HCLS1: variants seen among roughly 807,000 people sequenced by gnomAD.
HCLS1 encodes hematopoietic cell-specific Lyn substrate 1.
Under a neutral mutation model 68.6 loss-of-function variants are expected in HCLS1, and 44 were observed. That is an observed-to-expected ratio of 0.64 (90% CI 0.50 to 0.82). The LOEUF is 0.82. HCLS1 is among the 40% of genes least tolerant of loss of function. The pLI is 0.00. For synonymous variants in HCLS1, 217 were observed against 225.8 expected (o/e 0.96, Z 0.35); for missense variants, 602 against 612.1 (o/e 0.98, Z 0.17).
rs767167038 is a variant in HCLS1, at chr3:121,657,291, G to C, written c.146C>G (p.Thr49Arg). Reference protein sequence around the residue: ...GAKTIEGSGRTEHINIHQLRN... With the variant: ...GAKTIEGSGRREHINIHQLRN... ...TTTCGGCACCTACTTGATGTGTTCT[G>C]TGCGTCCAGACCCCTCGATGGTCTT... is the stretch of plus-strand genomic sequence containing the variant. The change falls in exon 3 of 14, where the codon ACA becomes AGA. Residue 49 changes from threonine to arginine, a missense_variant. Thr to Arg is a moderately conservative substitution (Grantham distance 71). Transcript: ENST00000314583. 4 of 1,613,650 alleles carry C rather than the reference G, an allele frequency of 2.5e-6. No individual in the cohort carries two copies. The highest frequency in any genetic ancestry group is 2.5e-6 in the Non-Finnish European group (3 of 1,179,778).
intron 3 of HCLS1, among the ~76,000 whole-genome samples, chr3:121,651,136 TAATC>T (rs372219717): frequency 5.9e-5 from 9 of 152,120 alleles, no homozygotes; most frequent in African/African-American, 1.4e-4. Flanking sequence ...AATCAATAAA[TAATC>T]AATCAATCAA....
Position 121,637,151 on chromosome 3 carries a change from T to G in HCLS1, c.560A>C (p.Gln187Pro). Residue 187 changes from glutamine to proline, a missense_variant, in exon 7 of 14, where the codon CAG becomes CCG. By Grantham distance (76) the Gln-to-Pro change is moderately conservative. Coordinates refer to ENST00000314583, the MANE Select transcript of HCLS1 (RefSeq NM_005335.6). ...CCCTTCCAACCCCAACTCACCTCTC[T>G]GGGACTCGTGTTTCTCCGTCTCTCC... Reference protein sequence around the residue: ...YKGETEKHESQRDYAKGFGGQ... With the variant: ...YKGETEKHESPRDYAKGFGGQ... 1 of 1,608,876 alleles carries G rather than the reference T, an allele frequency of 6.2e-7. No individual in the cohort carries two copies. Among genetic ancestry groups the G allele is most frequent in the Non-Finnish European group, 8.5e-7 (1 of 1,175,282 alleles).
At chr3:121,650,994 G>A (rs937159223) in intron 3 of HCLS1, among the ~76,000 whole-genome samples, 1 of 152,058 alleles carries the variant, frequency 6.6e-6, no homozygotes, top group African/African-American at 2.4e-5. Context: ...AAATTAGCTG[G>A]GCTTGGTGGT....
At chr3:121,646,580 AAT>A (rs1165187827) in intron 4 of HCLS1, among the ~76,000 whole-genome samples, 29 of 110,192 alleles carry the variant, frequency 2.6e-4, no homozygotes, top group South Asian at 1.0e-3. Context: ...TACATATATT[AAT>A]ATATATAATA....
At position 121,634,270 on chromosome 3, in the gene HCLS1, C is replaced by A. The variant is rs1332757478; in HGVS notation, c.840G>T (p.Gln280His). The change falls in exon 10 of 14, where the codon CAG becomes CAT. Residue 280 changes from glutamine (Q) to histidine (H), a missense_variant. Transcript: ENST00000314583. ...AVTKRSPEAP[Q>H]PVIAMEEPAV... ...CTGGCTCTTCCATAGCTATCACTGGCTGTGGAGCCTCAGGGCTCCTCTTTG... is the reference window on the plus strand; with the variant it reads ...CTGGCTCTTCCATAGCTATCACTGGATGTGGAGCCTCAGGGCTCCTCTTTG... 6.8e-6 allele frequency: 11 copies of A among 1,614,074 alleles called. No individual in the cohort carries two copies. Among genetic ancestry groups the A allele is most frequent in the African/African-American group, 5.3e-5 (4 of 74,924 alleles).
chr3:121,635,237 T>TTCTCTCTCTCTCTCTCTC lies in HCLS1; in HGVS notation c.691+480_691+497dup, dbSNP rs201290743. 1.9e-3 allele frequency among the ~76,000 whole-genome samples: 222 copies of TTCTCTCTCTCTCTCTCTC among 114,430 alleles called. 1 individual carries two copies. The highest frequency in any genetic ancestry group is 4.1e-3 in the South Asian group (11 of 2,664). 75.1% of individuals were successfully genotyped at this position (114,430 alleles called of 152,430 possible). A position where few individuals can be genotyped will look rare whatever the true frequency, so the allele number is the denominator to read the frequency against. ...TCTCTCTCTCTCTCTTCTCTCCCTT[T>TTCTCTCTCTCTCTCTCTC]TCTCTCTCTCTCTCTCTCTCTCTCT... On this transcript the variant is annotated intron_variant, in intron 9 of 13. Coordinates refer to ENST00000314583, the MANE Select transcript of HCLS1 (RefSeq NM_005335.6).
intron 4 of HCLS1, among the ~76,000 whole-genome samples, chr3:121,646,403 A>ATTACATAGTAATAT (rs1333433086): frequency 9.4e-4 from 80 of 85,424 alleles, no homozygotes; most frequent in African/African-American, 3.6e-3. Flanking sequence ...TATGTAATAT[A>ATTACATAGTAATAT]TTACATAGTA....
At position 121,631,800 on chromosome 3, in the gene HCLS1, A is replaced by C. The variant is rs778072301; in HGVS notation, c.*46T>G. On this transcript the variant is annotated 3_prime_UTR_variant, in exon 14 of 14. Coordinates refer to ENST00000314583, the MANE Select transcript of HCLS1 (RefSeq NM_005335.6). ...ATAGGGAGGGGGTGGAGGCAGAGCC[A>C]CTTTGGACATGGGAAATCACAGTTG... The C allele has an allele frequency of 6.2e-7, 1 of 1,608,926 alleles. No individual in the cohort carries two copies. Among genetic ancestry groups the C allele is most frequent in the South Asian group, 1.1e-5 (1 of 90,764 alleles).
At chr3:121,646,289 G>T (rs2049247184) in intron 4 of HCLS1, among the ~76,000 whole-genome samples, 12 of 98,940 alleles carry the variant, frequency 1.2e-4, no homozygotes, top group African/African-American at 1.7e-4. Flanking sequence ...TATATTTTAT[G>T]TATTATATTT....
chr3:121,642,463 C>T (rs879944530), intron 6 of HCLS1, among the ~76,000 whole-genome samples: 4 of 146,100 alleles, frequency 2.7e-5, no homozygotes, highest in African/African-American at 1.0e-4. Context: ...AGCGAGACTC[C>T]CTCTCAAAAA....
intron 6 of HCLS1, among the ~76,000 whole-genome samples, chr3:121,640,792 GAGGGGAGGGGAGGGGAGGGGAGGGC>G: frequency 3.4e-5 from 2 of 58,730 alleles, no homozygotes; most frequent in Middle Eastern, 9.6e-3. Flanking sequence ...AAGGGGAGGG[GAGGGGAGGGGAGGGGAGGGGAGGGC>G]AGGGGAGGGG....
chr3:121,650,857 G>C (rs1937734225), intron 3 of HCLS1, among the ~76,000 whole-genome samples: 1 of 152,108 alleles, frequency 6.6e-6, no homozygotes, highest in South Asian at 2.1e-4. Flanking sequence ...TGAAAAAGTG[G>C]CCAGGTGTGG....
At chr3:121,642,820 T>A in intron 6 of HCLS1, 107 bp downstream of exon 6, 2 of 863,970 alleles carry the variant, frequency 2.3e-6, no homozygotes, top group Non-Finnish European at 4.0e-6. Flanking sequence ...AGTGGTGCGC[T>A]GGGTCATGGA....
In HCLS1 at chr3:121,637,254, A is replaced by G; in HGVS notation, c.457T>C (p.Tyr153His). ...EVEKHTSQKDYSRGFGGRYGV... is the reference protein window; with the variant it reads ...EVEKHTSQKDHSRGFGGRYGV... ...TACCGGCCACCAAAGCCACGAGAGT[A>G]ATCTGTGGTCGAAGGAGCAGTCATG... The change falls in exon 7 of 14, where the codon TAC (tyrosine) becomes CAC (histidine). Residue 153 changes from tyrosine to histidine, a missense_variant and splice_region_variant. Transcript: ENST00000314583. 6.2e-7 allele frequency: 1 copy of G among 1,610,866 alleles called. No homozygotes were observed. The highest frequency in any genetic ancestry group is 8.5e-7 in the Non-Finnish European group (1 of 1,177,086).
rs2049100403 is a variant in HCLS1 at position 121,631,842 on chromosome 3, C to G, written c.*4G>C. The G allele has an allele frequency of 1.2e-6, 2 of 1,614,110 alleles. No individual in the cohort carries two copies. Among genetic ancestry groups the G allele is most frequent in the African/African-American group, 2.7e-5 (2 of 75,036 alleles). ...TCACAGTTGCAGTAGACAGTGAGCT[C>G]TAGTCACTCCAGAAGCTTGACATAA... On this transcript the variant is annotated 3_prime_UTR_variant, in exon 14 of 14. Transcript: ENST00000314583.
Position 121,631,710 on chromosome 3 carries a change from C to A in HCLS1, c.*136G>T, listed in dbSNP as rs1160107583. 6.9e-6 allele frequency: 6 copies of A among 874,124 alleles called. No homozygotes were observed. In the East Asian group the frequency reaches 1.6e-4, roughly 23 times the overall value. 54.1% of individuals were successfully genotyped at this position (874,124 alleles called of 1,614,324 possible). A position where few individuals can be genotyped will look rare whatever the true frequency, so the allele number is the denominator to read the frequency against. On this transcript the variant is annotated 3_prime_UTR_variant, in exon 14 of 14. Coordinates refer to ENST00000314583, the MANE Select transcript of HCLS1 (RefSeq NM_005335.6). Reference sequence around the variant, plus strand: ...TTCCCCATGCTGTCTCTGCCCCAAGCCCTTAATGAAGCAGGAGAGGGAAGT... The same window carrying A: ...TTCCCCATGCTGTCTCTGCCCCAAGACCTTAATGAAGCAGGAGAGGGAAGT...
At chr3:121,635,237 T>TTC (rs201290743) in intron 9 of HCLS1, among the ~76,000 whole-genome samples, 8,426 of 114,168 alleles carry the variant, frequency 0.074, 418 homozygotes, top group Admixed American at 0.12. Context: ...TCTCTCCCTT[T>TTC]TCTCTCTCTC....
intron 1 of HCLS1, among the ~76,000 whole-genome samples, chr3:121,660,062 A>C (rs1393553523): frequency 6.6e-6 from 1 of 152,206 alleles, no homozygotes; most frequent in Non-Finnish European, 1.5e-5. Context: ...CTCCTGCATC[A>C]AAGTACACAG....
intron 8 of HCLS1, 30 bp from the exon 9 acceptor site, chr3:121,635,834 C>T (rs564704418): frequency 2.1e-5 from 33 of 1,599,300 alleles, no homozygotes; most frequent in Admixed American, 6.7e-5. Context: ...ATGTGTGTTG[C>T]GGGAGAGGGG....
Sources: gnomAD v4.1 joint callset for allele counts (sites outside exome capture counted in the v4.1 genomes callset) on GRCh38, gnomAD v4.1.1 for gene constraint, MANE v1.5 for transcripts, NCBI Gene and HGNC (gene_info 2026-07-23, HGNC 2026-07-21) for gene names.